The following COL11A1 variants were observed in gnomAD, a reference collection of about 807,000 sequenced individuals.
COL11A1 encodes the protein collagen alpha-1(XI) chain.
In COL11A1, 74 loss-of-function variants were observed where a neutral mutation model predicts 265.2. The observed-to-expected ratio is 0.28, with a 90% CI of 0.23 to 0.34. COL11A1 has a LOEUF of 0.34. Among genes scored for constraint, COL11A1 ranks in the 10% least tolerant of loss-of-function variants. COL11A1 has a pLI of 1.00. For synonymous variants in COL11A1, 816 were observed against 727.6 expected, an observed-to-expected ratio of 1.12 and a Z score of -1.96; for missense variants, 2,165 against 2,263.6, an observed-to-expected ratio of 0.96 and a Z score of 0.88.
chr1:103,035,483 T>C (rs749382364), intron 4 of COL11A1, among the ~76,000 whole-genome samples: 7 of 152,114 alleles, frequency 4.6e-5, no homozygotes, highest in Non-Finnish European at 7.4e-5. Context: ...CGATAAATTT[T>C]GTGGACTTCA....
At chr1:103,024,290 C>T (rs12729964) in intron 7 of COL11A1, among the ~76,000 whole-genome samples, 5,583 of 152,168 alleles carry the variant, frequency 0.037, 119 homozygotes, top group Middle Eastern at 0.092. Flanking sequence ...GCATGCCCAG[C>T]TTATTCATTG....
At chr1:103,043,174 AAT>A (rs960818963) in intron 4 of COL11A1, among the ~76,000 whole-genome samples, 11 of 144,974 alleles carry the variant, frequency 7.6e-5, no homozygotes, top group East Asian at 5.9e-4. Flanking sequence ...ATATATATGA[AAT>A]ATATATAATG....
intron 4 of COL11A1, among the ~76,000 whole-genome samples, chr1:103,052,142 C>T (rs1669886353): frequency 2.2e-5 from 2 of 91,860 alleles, no homozygotes; most frequent in Middle Eastern, 6.3e-3. Flanking sequence ...TCTGCTATGG[C>T]CTTGTCTCTA....
At chr1:103,034,685 G>A (rs545489080) in intron 4 of COL11A1, among the ~76,000 whole-genome samples, 3 of 151,870 alleles carry the variant, frequency 2.0e-5, no homozygotes, top group Non-Finnish European at 2.9e-5. Flanking sequence ...TCCAATGTCT[G>A]TGCTTCTTCA....
intron 14 of COL11A1, among the ~76,000 whole-genome samples, chr1:103,010,861 C>T (rs982551520): frequency 7.2e-5 from 11 of 151,982 alleles, no homozygotes; most frequent in East Asian, 1.9e-4. Context: ...CCACCACACC[C>T]GGCGAATTTT....
intron 43 of COL11A1, among the ~76,000 whole-genome samples, chr1:102,939,917 G>GT (rs1251089572): frequency 1.3e-5 from 2 of 152,042 alleles, no homozygotes; most frequent in African/African-American, 4.8e-5. Context: ...TCACATGTTG[G>GT]TAAATGATAA....
At chr1:103,067,539 C>T (rs1406785386) in intron 4 of COL11A1, among the ~76,000 whole-genome samples, 1 of 151,696 alleles carries the variant, frequency 6.6e-6, no homozygotes, top group Non-Finnish European at 1.5e-5. Flanking sequence ...AAGCAAATCT[C>T]GAAGTAATAA....
chr1:102,888,768 G>A lies in COL11A1; in HGVS notation c.4519-10C>T, dbSNP rs1252749477. ...TTGGGCCTTGAGGACCCTACAAAAT[G>A]CAAATGCAAAAGCACAGATAAAAAT... On this transcript the variant is annotated splice_polypyrimidine_tract_variant and intron_variant, in intron 60 of 66. Coordinates refer to ENST00000370096, the MANE Select transcript of COL11A1 (RefSeq NM_001854.4). 1 of 1,613,842 alleles carries A rather than the reference G, an allele frequency of 6.2e-7. No individual in the cohort carries two copies. The highest frequency in any genetic ancestry group is 2.2e-5 in the East Asian group (1 of 44,860).
At chr1:102,961,648 C>T (rs899620240) in intron 41 of COL11A1, 16 of 513,916 alleles carry the variant, frequency 3.1e-5, no homozygotes, top group Admixed American at 9.5e-5. Flanking sequence ...CCTTTTACCT[C>T]CTGACAGCAG....
At chr1:103,094,648 T>A (rs1484586707) in intron 1 of COL11A1, among the ~76,000 whole-genome samples, 7 of 152,160 alleles carry the variant, frequency 4.6e-5, no homozygotes, top group Non-Finnish European at 8.8e-5. Context: ...ATCTTTATGA[T>A]GATTCACTTA....
At chr1:103,000,455 C>T (rs76683643) in intron 24 of COL11A1, among the ~76,000 whole-genome samples, 1,837 of 151,830 alleles carry the variant, frequency 0.012, 45 homozygotes, top group African/African-American at 0.042. Context: ...AAGAGTTTAA[C>T]AGCTATTTTA....
At chr1:102,979,560 T>G in intron 31 of COL11A1, 125 bp from the exon 32 acceptor site, 2 of 742,504 alleles carry the variant, frequency 2.7e-6, no homozygotes, top group South Asian at 1.5e-5. Context: ...ATATAGAAAT[T>G]TTAAGATATC....
intron 2 of COL11A1, among the ~76,000 whole-genome samples, chr1:103,080,609 A>G (rs917784880): frequency 1.3e-5 from 2 of 151,884 alleles, no homozygotes; most frequent in Admixed American, 1.3e-4. Context: ...GTAAATCAAA[A>G]CTGCAATGAG....
intron 62 of COL11A1, among the ~76,000 whole-genome samples, chr1:102,888,363 A>T (rs1651272435): frequency 6.6e-6 from 1 of 152,204 alleles, no homozygotes; most frequent in South Asian, 2.1e-4. Flanking sequence ...ACAAGACTAT[A>T]ATATACAATT....
At chr1:102,890,102 C>G (rs1292201681) in intron 58 of COL11A1, among the ~76,000 whole-genome samples, 1 of 152,056 alleles carries the variant, frequency 6.6e-6, no homozygotes, top group South Asian at 2.1e-4. Context: ...AAAGATATTT[C>G]TAGTTTAAAA....
At chr1:102,999,728 T>A (rs1374985902) in intron 24 of COL11A1, among the ~76,000 whole-genome samples, 1 of 151,842 alleles carries the variant, frequency 6.6e-6, no homozygotes, top group Non-Finnish European at 1.5e-5. Context: ...TTAAATTGTA[T>A]TAAAATGTTA....
chr1:103,058,414 C>T (rs1430830033), intron 4 of COL11A1, among the ~76,000 whole-genome samples: 3 of 152,180 alleles, frequency 2.0e-5, no homozygotes, highest in Non-Finnish European at 4.4e-5. Context: ...TTCATATGTT[C>T]ACTAGAGTAG....
At chr1:103,010,794 G>A (rs1033185111) in intron 14 of COL11A1, among the ~76,000 whole-genome samples, 3 of 151,594 alleles carry the variant, frequency 2.0e-5, no homozygotes, top group African/African-American at 4.8e-5. Flanking sequence ...TCCACATCCC[G>A]GGTTCAAGCC....
rs768132080 is a variant in COL11A1, at chr1:103,031,133, C to T, written c.763G>A (p.Glu255Lys). The T allele has an allele frequency of 1.2e-6, 2 of 1,613,276 alleles. No homozygotes were observed. Among genetic ancestry groups the T allele is most frequent in the African/African-American group, 1.3e-5 (1 of 74,902 alleles). Residue 255 changes from glutamate (E) to lysine (K), a missense_variant, in exon 5 of 67, where the codon GAA (glutamate) becomes AAA (lysine). Glu to Lys is a moderately conservative substitution (Grantham distance 56). Transcript: ENST00000370096. ...CTCCTCACCTCATCTATCTGAGGTTCCTGAGCTTGAGCAGCCTTGGGTGCT... is the reference window on the plus strand; with the variant it reads ...CTCCTCACCTCATCTATCTGAGGTTTCTGAGCTTGAGCAGCCTTGGGTGCT... ...SSAPKAAQAQ[E>K]PQIDEYAPED... is the part of the protein sequence containing the mutation.
Sources: gnomAD v4.1 joint callset for allele counts (sites outside exome capture counted in the v4.1 genomes callset) on GRCh38, gnomAD v4.1.1 for gene constraint, MANE v1.5 for transcripts, NCBI Gene and HGNC (gene_info 2026-07-23, HGNC 2026-07-21) for gene names.